TRIM22: variants seen among roughly 807,000 people sequenced by gnomAD.
TRIM22 encodes the protein tripartite motif containing 22.
Under a neutral mutation model 53.6 loss-of-function variants are expected in TRIM22, and 45 were observed. That is an observed-to-expected ratio of 0.84 (90% CI 0.66 to 1.08). The LOEUF is 1.08. Among genes scored for constraint, TRIM22 ranks in the 50% least tolerant of loss-of-function variants. TRIM22 has a pLI of 0.00. For synonymous variants in TRIM22, 225 were observed against 216.6 expected (o/e 1.04, Z -0.34); for missense variants, 616 against 590.9 (o/e 1.04, Z -0.44).
Position 5,709,179 on chromosome 11 carries a change from G to T in TRIM22, c.1028G>T (p.Gly343Val), listed in dbSNP as rs1197198239. 2 of 1,614,144 alleles carry T rather than the reference G, an allele frequency of 1.2e-6. No homozygotes were observed. The highest frequency in any genetic ancestry group is 2.7e-5 in the African/African-American group (2 of 75,006). ...AATCCATGTGATTTTTCTGCTTTTGGTGTCTTCGGCTGCCAATATTTCTCT... is the reference window on the plus strand; with the variant it reads ...AATCCATGTGATTTTTCTGCTTTTGTTGTCTTCGGCTGCCAATATTTCTCT... ...NSNPCDFSAF[G>V]VFGCQYFSSG... The change falls in exon 8 of 8, where the codon GGT (glycine) becomes GTT (valine). Residue 343 changes from glycine to valine, a missense_variant. Coordinates refer to ENST00000379965, the MANE Select transcript of TRIM22 (RefSeq NM_006074.5).
intron 5 of TRIM22, among the ~76,000 whole-genome samples, chr11:5,707,529 G>T (rs1252267030): frequency 2.0e-5 from 3 of 152,092 alleles, no homozygotes; most frequent in Non-Finnish European, 2.9e-5. Flanking sequence ...AGCATTATTG[G>T]CTGGGTGCAG....
In TRIM22 at chr11:5,709,779, A is replaced by G. The variant is rs1853530123; in HGVS notation, c.*131A>G. The G allele has an allele frequency of 3.6e-6, 3 of 825,814 alleles. No individual in the cohort carries two copies. In the East Asian group the frequency reaches 7.4e-5, roughly 20 times the overall value. The allele number at this position is 825,814 out of a possible 1,614,324, so 51.2% of individuals were successfully genotyped here. On this transcript the variant is annotated 3_prime_UTR_variant, in exon 8 of 8. Coordinates refer to ENST00000379965, the MANE Select transcript of TRIM22 (RefSeq NM_006074.5). Reference sequence around the variant, plus strand: ...CTTCTTTTACTTAGAATGTCTTTGTATTCATTTGCTAGGGCTTCCATAGCA... The same window carrying G: ...CTTCTTTTACTTAGAATGTCTTTGTGTTCATTTGCTAGGGCTTCCATAGCA...
intron 1 of TRIM22, among the ~76,000 whole-genome samples, chr11:5,694,719 C>A (rs1174259497): frequency 6.6e-6 from 1 of 152,086 alleles, no homozygotes; most frequent in African/African-American, 2.4e-5. Context: ...ATAAAGAAGT[C>A]AAAATGATTT....
rs771029786 is a variant in TRIM22, at chr11:5,698,351, G to A, written c.556G>A (p.Gly186Arg). The A allele has an allele frequency of 6.2e-7, 1 of 1,614,206 alleles. No individual in the cohort carries two copies. Among genetic ancestry groups the A allele is most frequent in the Admixed American group, 1.7e-5 (1 of 60,026 alleles). Residue 186 changes from glycine to arginine, a missense_variant, in exon 4 of 8, where the codon GGG (glycine) becomes AGG (arginine). Gly to Arg is a moderately radical substitution (Grantham distance 125). Coordinates refer to ENST00000379965, the MANE Select transcript of TRIM22 (RefSeq NM_006074.5). ...IQIERQKILK[G>R]FNEMRVILDN... ...GATCGAGAGACAGAAGATTCTGAAA[G>A]GGTTCAATGAAATGAGAGTCATCTT... is the stretch of plus-strand genomic sequence containing the variant.
At chr11:5,701,356 C>A (rs574379412) in intron 4 of TRIM22, among the ~76,000 whole-genome samples, 15 of 151,980 alleles carry the variant, frequency 9.9e-5, no homozygotes, top group African/African-American at 3.1e-4. Context: ...TAAAGTGTTG[C>A]TTAATATTTT....
Position 5,696,504 on chromosome 11 carries a change from G to C in TRIM22, c.272G>C (p.Gly91Ala). The C allele has an allele frequency of 6.2e-7, 1 of 1,614,242 alleles. No individual in the cohort carries two copies. Among genetic ancestry groups the C allele is most frequent in the Non-Finnish European group, 8.5e-7 (1 of 1,180,048 alleles). The change falls in exon 2 of 8, where the codon GGG becomes GCG. Residue 91 changes from glycine (G) to alanine (A), a missense_variant. Transcript: ENST00000379965. ...VKEVKMSPQE[G>A]QKRDVCEHHG... is the part of the protein sequence containing the mutation. ...GAGGTCAAGATGAGCCCACAGGAGG[G>C]GCAGAAGAGAGATGTCTGTGAGCAC...
rs1490049305 is a variant in TRIM22 at position 5,698,334 on chromosome 11, G to A, written c.539G>A (p.Arg180Lys). The change falls in exon 4 of 8, where the codon AGA (arginine) becomes AAA (lysine). Residue 180 changes from arginine to lysine, a missense_variant. Coordinates refer to ENST00000379965, the MANE Select transcript of TRIM22 (RefSeq NM_006074.5). ...CCCAAGAATTATATCCAGATCGAGAGACAGAAGATTCTGAAAGGGTTCAAT... is the reference window on the plus strand; with the variant it reads ...CCCAAGAATTATATCCAGATCGAGAAACAGAAGATTCTGAAAGGGTTCAAT... ...TAWKNYIQIE[R>K]QKILKGFNEM... 6.2e-7 allele frequency: 1 copy of A among 1,614,164 alleles called. No homozygotes were observed. Among genetic ancestry groups the A allele is most frequent in the South Asian group, 1.1e-5 (1 of 91,068 alleles).
rs1853299724 is a variant in TRIM22 at position 5,698,128 on chromosome 11, C to G, written c.520-187C>G. On this transcript the variant is annotated intron_variant, in intron 3 of 7. Coordinates refer to ENST00000379965, the MANE Select transcript of TRIM22 (RefSeq NM_006074.5). ...CAATAAAACTGACTTGAGTGTATTG[C>G]TTTGGGAGGAGCTCAGGTTAAAAAG... is the stretch of plus-strand genomic sequence containing the variant. 3 of 578,280 alleles carry G rather than the reference C, an allele frequency of 5.2e-6. No individual in the cohort carries two copies. In the South Asian group the frequency reaches 6.2e-5, roughly 12 times the overall value. The allele number at this position is 578,280 out of a possible 1,614,324, so 35.8% of individuals were successfully genotyped here.
intron 4 of TRIM22, among the ~76,000 whole-genome samples, chr11:5,701,035 A>G (rs968408059): frequency 6.6e-6 from 1 of 152,186 alleles, no homozygotes; most frequent in African/African-American, 2.4e-5. Flanking sequence ...ACCAGCTTGC[A>G]TACCTTGAAT....
At chr11:5,694,616 G>A (rs950447007) in intron 1 of TRIM22, among the ~76,000 whole-genome samples, 3 of 152,208 alleles carry the variant, frequency 2.0e-5, no homozygotes, top group Non-Finnish European at 4.4e-5. Context: ...CTACCTATTA[G>A]ATTAGAATGA....
At chr11:5,696,852 A>C in intron 2 of TRIM22, 197 bp downstream of exon 2, 1 of 606,900 alleles carries the variant, frequency 1.6e-6, no homozygotes. Context: ...AAAAGAGTAC[A>C]AATTTTTAGC....
chr11:5,709,781 T>A lies in TRIM22; in HGVS notation c.*133T>A. On this transcript the variant is annotated 3_prime_UTR_variant, in exon 8 of 8. Transcript: ENST00000379965. ...TCTTTTACTTAGAATGTCTTTGTAT[T>A]CATTTGCTAGGGCTTCCATAGCAAA... 3 of 813,204 alleles carry A rather than the reference T, an allele frequency of 3.7e-6. No homozygotes were observed. Among genetic ancestry groups the A allele is most frequent in the Non-Finnish European group, 3.9e-6 (2 of 517,124 alleles). The allele number at this position is 813,204 out of a possible 1,614,324, so 50.4% of individuals were successfully genotyped here. A position where few individuals can be genotyped will look rare whatever the true frequency, so the allele number is the denominator to read the frequency against.
chr11:5,703,490 A>G (rs1853406896), intron 4 of TRIM22, among the ~76,000 whole-genome samples: 1 of 151,216 alleles, frequency 6.6e-6, no homozygotes, highest in Non-Finnish European at 1.5e-5. Flanking sequence ...GGTTCAGGCC[A>G]TTCTCCTGCT....
chr11:5,699,290 C>T (rs1482514795), intron 4 of TRIM22, among the ~76,000 whole-genome samples: 3 of 146,564 alleles, frequency 2.0e-5, no homozygotes, highest in Non-Finnish European at 3.0e-5. Flanking sequence ...TTTGGGAGGC[C>T]GAGGCGGGTG....
At chr11:5,690,469 G>A (rs2134168602) in intron 1 of TRIM22, among the ~76,000 whole-genome samples, 2 of 152,260 alleles carry the variant, frequency 1.3e-5, no homozygotes, top group African/African-American at 4.8e-5. Context: ...TGGGGAAGGG[G>A]TGTGTGTGAT....
At chr11:5,702,111 T>A (rs575010414) in intron 4 of TRIM22, among the ~76,000 whole-genome samples, 2 of 146,514 alleles carry the variant, frequency 1.4e-5, no homozygotes, top group Non-Finnish European at 1.5e-5. Flanking sequence ...TATACATAAC[T>A]AATATATATT....
intron 4 of TRIM22, among the ~76,000 whole-genome samples, chr11:5,704,374 ATTATG>A (rs1371931100): frequency 6.6e-6 from 1 of 152,110 alleles, no homozygotes. Flanking sequence ...TTCACTATTA[ATTATG>A]TTATTAGTTG....
chr11:5,701,946 T>C (rs1853378601), intron 4 of TRIM22, among the ~76,000 whole-genome samples: 1 of 151,364 alleles, frequency 6.6e-6, no homozygotes, highest in South Asian at 2.1e-4. Flanking sequence ...TGCTCTTTGC[T>C]TTTTTTTCCC....
Position 5,708,583 on chromosome 11 carries a change from C to G in TRIM22, c.881C>G (p.Thr294Arg). The G allele has an allele frequency of 6.2e-7, 1 of 1,605,082 alleles. No individual in the cohort carries two copies. Among genetic ancestry groups the G allele is most frequent in the Non-Finnish European group, 8.5e-7 (1 of 1,177,630 alleles). ...SGMLQVLKEL[T>R]DVQYYWVDVM... is the part of the protein sequence containing the mutation. ...GAAACTTTTGTCGTTTCAGAGCTGA[C>G]AGATGTCCAGTACTACTGGGGTAAG... The change falls in exon 7 of 8, where the codon ACA (threonine) becomes AGA (arginine). Residue 294 changes from threonine to arginine, a missense_variant. Coordinates refer to ENST00000379965, the MANE Select transcript of TRIM22 (RefSeq NM_006074.5).
Sources: allele counts gnomAD v4.1 joint callset (sites outside exome capture counted in the v4.1 genomes callset), GRCh38; gene constraint gnomAD v4.1.1; transcripts MANE v1.5; gene names NCBI Gene and HGNC (gene_info 2026-07-23, HGNC 2026-07-21).